Variants in LITAF observed in about 807,000 individuals in gnomAD.
LITAF encodes lipopolysaccharide induced TNF factor.
A neutral mutation model predicts 14.5 loss-of-function variants in LITAF; 9 were observed. The observed-to-expected ratio is 0.62, with a 90% CI of 0.37 to 1.08. LITAF has a LOEUF of 1.08. LITAF is among the 50% of genes least tolerant of loss of function. LITAF has a pLI of 0.01. For missense variants in LITAF, 206 were observed against 213.4 expected (o/e 0.97, Z 0.22); for synonymous variants, 98 against 88.2 (o/e 1.11, Z -0.62).
In LITAF at chr16:11,549,944, A is replaced by G. The variant is rs565576238; in HGVS notation, c.378-199T>C. On this transcript the variant is annotated intron_variant, in intron 3 of 3. Coordinates refer to ENST00000622633, the MANE Select transcript of LITAF (RefSeq NM_001136472.2). The surrounding 1 kb of genome is among the most constrained non-coding windows in gnomAD (Gnocchi z 4.6). ...CTTAGAAGAAGAGGAGAGGACACAC[A>G]GAGATACAGAGAGGGCAGAAGGAAA... is the stretch of plus-strand genomic sequence containing the variant. 165 of 614,384 alleles carry G rather than the reference A, an allele frequency of 2.7e-4. No individual in the cohort carries two copies. In the East Asian group the frequency reaches 5.4e-3, roughly 20 times the overall value. 38.1% of individuals were successfully genotyped at this position (614,384 alleles called of 1,614,324 possible). A position where few individuals can be genotyped will look rare whatever the true frequency, so the allele number is the denominator to read the frequency against.
At chr16:11,631,975 T>C (rs2065120409) in intron 3 of LITAF, among the ~76,000 whole-genome samples, 2 of 151,760 alleles carry the variant, frequency 1.3e-5, no homozygotes, top group Non-Finnish European at 2.9e-5. Context: ...CAAGCTATTC[T>C]CCTGCCTCAG....
upstream of LITAF, among the ~76,000 whole-genome samples, chr16:11,638,683 CAG>C (rs1365318996): frequency 2.6e-5 from 3 of 116,824 alleles, no homozygotes; most frequent in Non-Finnish European, 5.1e-5. Context: ...CCTGGGCCGA[CAG>C]AGCAAGACTC....
In LITAF at chr16:11,556,601, T is replaced by C. The variant is rs371808299; in HGVS notation, c.130A>G (p.Thr44Ala). ...PTPPAPMPGPTTGLVTGPDGK... is the reference protein window; with the variant it reads ...PTPPAPMPGPATGLVTGPDGK... ...TCAGGCCCCGTCACAAGCCCCGTAGTTGGCCCAGGCATGGGAGCTGGAGGT... is the reference window on the plus strand; with the variant it reads ...TCAGGCCCCGTCACAAGCCCCGTAGCTGGCCCAGGCATGGGAGCTGGAGGT... The change falls in exon 2 of 4, where the codon ACT (threonine) becomes GCT (alanine). Residue 44 changes from threonine (T) to alanine (A), a missense_variant. Physicochemically the swap from Thr to Ala is moderately conservative, Grantham distance 58. Transcript: ENST00000622633. 1.9e-6 allele frequency: 3 copies of C among 1,614,172 alleles called. No individual in the cohort carries two copies. The highest frequency in any genetic ancestry group is 2.2e-5 in the South Asian group (2 of 91,088).
At chr16:11,603,668 G>C (rs1219192431) in intron 3 of LITAF, among the ~76,000 whole-genome samples, 1 of 152,174 alleles carries the variant, frequency 6.6e-6, no homozygotes, top group East Asian at 1.9e-4. Context: ...TCCCAACCCG[G>C]CCACCTCAGC....
rs1429356262 is a variant in LITAF at position 11,549,082 on chromosome 16, A to AT, written c.*554dup. 6.6e-6 allele frequency: 3 copies of AT among 453,806 alleles called. No individual in the cohort carries two copies. Among genetic ancestry groups the AT allele is most frequent in the African/African-American group, 6.0e-5 (3 of 49,980 alleles). The allele number at this position is 453,806 out of a possible 1,614,324, so 28.1% of individuals were successfully genotyped here. A position where few individuals can be genotyped will look rare whatever the true frequency, so the allele number is the denominator to read the frequency against. Reference sequence around the variant, plus strand: ...AAAAAAAATTAAGAAATTAAAGTGAATCTGTGTGCTAATGAAGTCTGCAGT... The same window carrying AT: ...AAAAAAAATTAAGAAATTAAAGTGAATTCTGTGTGCTAATGAAGTCTGCAGT... On this transcript the variant is annotated 3_prime_UTR_variant, in exon 4 of 4. Coordinates refer to ENST00000622633, the MANE Select transcript of LITAF (RefSeq NM_001136472.2). This position sits in a 1 kb window ranked among gnomAD's most constrained non-coding sequence, Gnocchi z 4.6.
At chr16:11,596,891 A>G (rs8060003) in intron 1 of LITAF, among the ~76,000 whole-genome samples, 87,228 of 151,532 alleles carry the variant, frequency 0.58, 25,703 homozygotes, top group African/African-American at 0.7. Context: ...ACTGGGTGCC[A>G]GGCCCTGGAA....
At position 11,605,853 on chromosome 16, in the gene LITAF, T is replaced by A. The variant is rs987791839; in HGVS notation, c.85+27680A>T. Among the ~76,000 whole-genome samples, 2 of 151,994 alleles carry A rather than the reference T, an allele frequency of 1.3e-5. No homozygotes were observed. The highest frequency in any genetic ancestry group is 2.9e-5 in the Non-Finnish European group (2 of 67,988). On this transcript the variant is annotated intron_variant, in intron 3 of 3. Transcript: ENST00000574848. This position sits in a 1 kb window ranked among gnomAD's most constrained non-coding sequence, Gnocchi z 4.7. ...TCACTCTCACAACCGCACCAGGAGG[T>A]AGGTTCCACTGTTCCCACGGAAACT...
In LITAF at chr16:11,547,953, T is replaced by C; in HGVS notation, c.*1684A>G. On this transcript the variant is annotated 3_prime_UTR_variant, in exon 4 of 4. Transcript: ENST00000622633. ...GGTTCTTTGTAGCAATGGCTGGAAATGCAACATGAGCCCTTTCTTCACACC... is the reference window on the plus strand; with the variant it reads ...GGTTCTTTGTAGCAATGGCTGGAAACGCAACATGAGCCCTTTCTTCACACC... 1 of 454,128 alleles carries C rather than the reference T, an allele frequency of 2.2e-6. No individual in the cohort carries two copies. Among genetic ancestry groups the C allele is most frequent in the South Asian group, 1.6e-5 (1 of 64,482 alleles). 28.1% of individuals were successfully genotyped at this position (454,128 alleles called of 1,614,324 possible). A position where few individuals can be genotyped will look rare whatever the true frequency, so the allele number is the denominator to read the frequency against.
At chr16:11,579,176 C>G (rs1462620919) in intron 1 of LITAF, among the ~76,000 whole-genome samples, 6 of 150,838 alleles carry the variant, frequency 4.0e-5, no homozygotes, top group Admixed American at 4.0e-4. Flanking sequence ...GCAACAAGAA[C>G]AAAACTCTGT....
At chr16:11,595,810 A>G (rs1827656677) in intron 1 of LITAF, among the ~76,000 whole-genome samples, 1 of 152,322 alleles carries the variant, frequency 6.6e-6, no homozygotes, top group African/African-American at 2.4e-5. Context: ...AGAAGTAGCA[A>G]ATGCCTGTTG....
chr16:11,548,994 A>G lies in LITAF; in HGVS notation c.*643T>C, dbSNP rs1395960764. 2.2e-6 allele frequency: 1 copy of G among 454,014 alleles called. No individual in the cohort carries two copies. Among genetic ancestry groups the G allele is most frequent in the Non-Finnish European group, 4.4e-6 (1 of 226,776 alleles). 28.1% of individuals were successfully genotyped at this position (454,014 alleles called of 1,614,324 possible). A position where few individuals can be genotyped will look rare whatever the true frequency, so the allele number is the denominator to read the frequency against. ...TAAGATCCAGCCCTATTTTTCTAGC[A>G]TGCATTTACGACCTTGTGGATATGT... On this transcript the variant is annotated 3_prime_UTR_variant, in exon 4 of 4. Coordinates refer to ENST00000622633, the MANE Select transcript of LITAF (RefSeq NM_001136472.2).
At chr16:11,639,408 G>T (rs1274127924), upstream of LITAF, among the ~76,000 whole-genome samples, 2 of 149,532 alleles carry the variant, frequency 1.3e-5, no homozygotes, top group Admixed American at 1.3e-4. Context: ...ATGGGTGGAT[G>T]GATGGTTAGA....
chr16:11,583,254 A>G (rs1248332248), intron 1 of LITAF, among the ~76,000 whole-genome samples: 4 of 152,210 alleles, frequency 2.6e-5, no homozygotes, highest in South Asian at 2.1e-4. Flanking sequence ...AGTTACCACA[A>G]TCTTAAAGCC....
rs766801773 is a variant in LITAF at position 11,616,911 on chromosome 16, C to CAAA, written c.85+16619_85+16621dup. On this transcript the variant is annotated intron_variant, in intron 3 of 3. Transcript: ENST00000574848. ...TGGGAAAGAGAGCAAGACTCTATCT[C>CAAA]AAAAAAAAAAAAAAAAAAAAGATGC... Among the ~76,000 whole-genome samples the CAAA allele has an allele frequency of 3.9e-3, 320 of 82,996 alleles. 3 individuals carry two copies. Among genetic ancestry groups the CAAA allele is most frequent in the East Asian group, 0.016 (47 of 2,986 alleles). The allele number at this position is 82,996 out of a possible 152,430, so 54.4% of individuals were successfully genotyped here. A position where few individuals can be genotyped will look rare whatever the true frequency, so the allele number is the denominator to read the frequency against.
chr16:11,621,716 G>A (rs1314769799), intron 3 of LITAF, among the ~76,000 whole-genome samples: 1 of 152,018 alleles, frequency 6.6e-6, no homozygotes, highest in Admixed American at 6.6e-5. Flanking sequence ...CACAAGAGTG[G>A]CCGGCTCCCT....
chr16:11,595,896 A>G (rs1357940583), intron 1 of LITAF, among the ~76,000 whole-genome samples: 8 of 152,188 alleles, frequency 5.3e-5, no homozygotes, highest in Non-Finnish European at 2.9e-5. Context: ...TACTTATACT[A>G]AACAATCATT....
At chr16:11,564,432 C>A (rs1177910065) in intron 1 of LITAF, among the ~76,000 whole-genome samples, 2 of 152,132 alleles carry the variant, frequency 1.3e-5, no homozygotes, top group Non-Finnish European at 2.9e-5. Flanking sequence ...TAGGCCAGTG[C>A]AAGCTGCTAC....
intron 3 of LITAF, among the ~76,000 whole-genome samples, chr16:11,609,790 G>C (rs1322132742): frequency 6.6e-6 from 1 of 152,054 alleles, no homozygotes; most frequent in African/African-American, 2.4e-5. Context: ...TCACACTCCA[G>C]AAGCCTCCAG....
rs1294032793 is a variant in LITAF at position 11,556,603 on chromosome 16, G to A, written c.128C>T (p.Pro43Leu). 1 of 1,614,172 alleles carries A rather than the reference G, an allele frequency of 6.2e-7. No individual in the cohort carries two copies. The highest frequency in any genetic ancestry group is 2.2e-5 in the East Asian group (1 of 44,874). ...AGGCCCCGTCACAAGCCCCGTAGTTGGCCCAGGCATGGGAGCTGGAGGTGT... is the reference window on the plus strand; with the variant it reads ...AGGCCCCGTCACAAGCCCCGTAGTTAGCCCAGGCATGGGAGCTGGAGGTGT... Reference protein sequence around the residue: ...YPTPPAPMPGPTTGLVTGPDG... With the variant: ...YPTPPAPMPGLTTGLVTGPDG... Residue 43 changes from proline (P) to leucine (L), a missense_variant, in exon 2 of 4, where the codon CCA (proline) becomes CTA (leucine). Transcript: ENST00000622633.
Sources: gnomAD v4.1 joint callset for allele counts (sites outside exome capture counted in the v4.1 genomes callset) on GRCh38, gnomAD v4.1.1 for gene constraint, Gnocchi (gnomAD v3.1) non-coding constraint, MANE v1.5 for transcripts, NCBI Gene and HGNC (gene_info 2026-07-23, HGNC 2026-07-21) for gene names.